HERC4: variants seen among roughly 807,000 people sequenced by gnomAD.
HERC4 encodes probable E3 ubiquitin-protein ligase HERC4.
Under a neutral mutation model 124.3 loss-of-function variants are expected in HERC4, and 28 were observed. That is an observed-to-expected ratio of 0.23 (90% CI 0.17 to 0.31). The LOEUF (loss-of-function observed/expected upper bound fraction) is 0.31. Ranked by LOEUF, HERC4 falls within the 10% of genes least tolerant of loss-of-function variation. The pLI is 1.00. For synonymous variants in HERC4, 407 were observed against 421.5 expected (o/e 0.97, Z 0.42); for missense variants, 713 against 1,229.3 (o/e 0.58, Z 6.28).
intron 6 of HERC4, among the ~76,000 whole-genome samples, chr10:68,033,090 T>C (rs1247371489): frequency 6.6e-6 from 1 of 152,126 alleles, no homozygotes; most frequent in African/African-American, 2.4e-5. Context: ...AAACAGCCAA[T>C]ATGCCAGTAT....
chr10:68,025,862 AATG>A (rs567289703), intron 7 of HERC4, among the ~76,000 whole-genome samples, 186 bp from the exon 8 acceptor site: 41 of 152,234 alleles, frequency 2.7e-4, no homozygotes, highest in Non-Finnish European at 5.1e-4. Context: ...AATTCCAGGT[AATG>A]ATGTTTTCAC....
At chr10:67,944,669 G>T (rs561818906) in intron 19 of HERC4, among the ~76,000 whole-genome samples, 1 of 152,222 alleles carries the variant, frequency 6.6e-6, no homozygotes, top group East Asian at 1.9e-4. Flanking sequence ...GTCAGACAGA[G>T]AATTCAAAAT....
chr10:68,009,733 T>C (rs754192921), intron 9 of HERC4, among the ~76,000 whole-genome samples: 5 of 152,136 alleles, frequency 3.3e-5, no homozygotes, highest in African/African-American at 7.2e-5. Flanking sequence ...ATGATAGCAT[T>C]TTACCCACGG....
chr10:68,049,590 CAAAAAAA>C (rs766514516), intron 3 of HERC4, among the ~76,000 whole-genome samples: 9 of 42,622 alleles, frequency 2.1e-4, no homozygotes, highest in Non-Finnish European at 2.6e-4. Context: ...GACACTGCCA[CAAAAAAA>C]AAAAAAAAAA....
intron 9 of HERC4, among the ~76,000 whole-genome samples, chr10:68,006,964 G>A (rs924467473): frequency 2.6e-5 from 4 of 152,004 alleles, no homozygotes; most frequent in South Asian, 4.1e-4. Flanking sequence ...TCTTATTTGG[G>A]TTAAATCTGC....
chr10:68,069,017 A>C (rs1166133078), intron 3 of HERC4: 2 of 981,626 alleles, frequency 2.0e-6, no homozygotes, highest in Non-Finnish European at 2.4e-6. Flanking sequence ...TTTAAACAGA[A>C]CACCACTTTA....
In HERC4 at chr10:68,049,590, C is replaced by CCAAAAAAAA. The variant is rs1554827735; in HGVS notation, c.227-5028_227-5027insTTTTTTTTG. ...TGGGTGACAGAGTGAGACACTGCCA[C>CCAAAAAAAA]AAAAAAAAAAAAAAAAAAAAAAACA... is the stretch of plus-strand genomic sequence containing the variant. On this transcript the variant is annotated intron_variant, in intron 3 of 24. Coordinates refer to ENST00000373700, the MANE Select transcript of HERC4 (RefSeq NM_015601.4). Among the ~76,000 whole-genome samples, 4 of 42,620 alleles carry CCAAAAAAAA rather than the reference C, an allele frequency of 9.4e-5. 1 individual carries two copies. The highest frequency in any genetic ancestry group is 4.7e-4 in the African/African-American group (4 of 8,514). The allele number at this position is 42,620 out of a possible 152,430, so 28.0% of individuals were successfully genotyped here.
chr10:67,988,782 A>G lies in HERC4; in HGVS notation c.1687T>C (p.Phe563Leu), dbSNP rs769691049. The G allele has an allele frequency of 6.2e-7, 1 of 1,608,482 alleles. No homozygotes were observed. Among genetic ancestry groups the G allele is most frequent in the Non-Finnish European group, 8.5e-7 (1 of 1,177,108 alleles). The change falls in exon 15 of 25, where the codon TTT (phenylalanine) becomes CTT (leucine). Residue 563 changes from phenylalanine to leucine, a missense_variant. By Grantham distance (22) the Phe-to-Leu change is conservative. Transcript: ENST00000373700. The part of the protein sequence containing the change: ...PPLFLKIVEL[F>L]KEVVVHLLKL... ...AAAAGATGTACCACAACTTCCTTAA[A>G]AAGTTCTACTATCTTGAGGAATAGT...
chr10:68,059,865 TA>T (rs1485813035), intron 3 of HERC4, among the ~76,000 whole-genome samples: 2 of 95,508 alleles, frequency 2.1e-5, no homozygotes, highest in Non-Finnish European at 3.5e-5. Context: ...CATAATATTA[TA>T]TATTATAATA....
intron 16 of HERC4, among the ~76,000 whole-genome samples, chr10:67,963,019 A>G (rs2034620109): frequency 6.6e-6 from 1 of 152,172 alleles, no homozygotes; most frequent in African/African-American, 2.4e-5. Flanking sequence ...AGAAAACAAA[A>G]TGAAATCTCA....
intron 11 of HERC4, 80 bp from the exon 12 acceptor site, chr10:67,991,279 G>A: frequency 1.3e-6 from 1 of 775,850 alleles, no homozygotes; most frequent in Non-Finnish European, 2.0e-6. Context: ...GAATTAAAAT[G>A]AATAATTAAT....
chr10:67,975,667 C>T (rs1340255237), intron 15 of HERC4, among the ~76,000 whole-genome samples: 1 of 152,156 alleles, frequency 6.6e-6, no homozygotes, highest in African/African-American at 2.4e-5. Flanking sequence ...GCATTCTTAA[C>T]TCACTATATG....
chr10:67,951,834 CA>C, intron 19 of HERC4, among the ~76,000 whole-genome samples: 1 of 152,200 alleles, frequency 6.6e-6, no homozygotes, highest in Admixed American at 6.5e-5. Flanking sequence ...ACAATTCCTT[CA>C]TTCACAAACT....
chr10:67,970,789 T>C (rs934655133), intron 15 of HERC4, among the ~76,000 whole-genome samples: 3 of 151,766 alleles, frequency 2.0e-5, no homozygotes, highest in African/African-American at 7.3e-5. Context: ...AGAAAATCTA[T>C]AGCATTAAAT....
intron 23 of HERC4, among the ~76,000 whole-genome samples, chr10:67,930,912 T>C (rs2031725692): frequency 6.6e-6 from 1 of 152,122 alleles, no homozygotes; most frequent in Non-Finnish European, 1.5e-5. Flanking sequence ...ACTCCTGGCC[T>C]CAAGTGATCT....
At chr10:68,009,579 T>C (rs568720465) in intron 9 of HERC4, among the ~76,000 whole-genome samples, 10 of 152,342 alleles carry the variant, frequency 6.6e-5, no homozygotes, top group Middle Eastern at 3.4e-3. Context: ...ATTGTCAACA[T>C]TGATGGCTAC....
At chr10:67,926,344 C>T (rs2030939864) in intron 23 of HERC4, among the ~76,000 whole-genome samples, 1 of 151,606 alleles carries the variant, frequency 6.6e-6, no homozygotes, top group Non-Finnish European at 1.5e-5. Context: ...TTGTAGTGAG[C>T]CAAGACTGTG....
intron 3 of HERC4, chr10:68,069,912 C>T (rs1238357285): frequency 3.9e-5 from 15 of 381,938 alleles, no homozygotes; most frequent in Middle Eastern, 1.4e-3. Context: ...CATGGTGGCA[C>T]GCCCCTATAG....
At chr10:68,038,263 T>A in intron 4 of HERC4, 94 bp from the exon 5 acceptor site, 1 of 518,422 alleles carries the variant, frequency 1.9e-6, no homozygotes, top group Non-Finnish European at 3.4e-6. Flanking sequence ...GCCTACTATA[T>A]GCACATAGGT....
Sources: gnomAD v4.1 joint callset for allele counts (sites outside exome capture counted in the v4.1 genomes callset) on GRCh38, gnomAD v4.1.1 for gene constraint, MANE v1.5 for transcripts, NCBI Gene and HGNC (gene_info 2026-07-23, HGNC 2026-07-21) for gene names.